Variants in NBEA observed in about 807,000 individuals in gnomAD.
The protein encoded by NBEA is lysosomal-trafficking regulator 2.
In NBEA, 44 loss-of-function variants were observed where a neutral mutation model predicts 343.4. That is an observed-to-expected ratio of 0.13 (90% CI 0.10 to 0.16). The LOEUF (loss-of-function observed/expected upper bound fraction) is 0.16, where lower values mean the gene tolerates loss of function less well. Ranked by LOEUF, NBEA falls within the 10% of genes least tolerant of loss-of-function variation. The pLI is 1.00. For missense variants in NBEA, 2,555 were observed against 3,631.3 expected (o/e 0.70, Z 7.62); for synonymous variants, 1,175 against 1,238.7 (o/e 0.95, Z 1.08).
intron 38 of NBEA, among the ~76,000 whole-genome samples, chr13:35,414,309 C>T (rs1205977113): frequency 6.6e-6 from 1 of 151,990 alleles, no homozygotes; most frequent in Non-Finnish European, 1.5e-5. Context: ...TATACATGCG[C>T]CATGTTGGTG....
chr13:35,325,218 G>A lies in NBEA; in HGVS notation c.5903+15626G>A, dbSNP rs535128897. On this transcript the variant is annotated intron_variant, in intron 36 of 58. Transcript: ENST00000379939. ...CGATTATACCAAAGTCTAGATTTCC[G>A]TATTCATAGACCAGTATAAGAAAAA... is the stretch of plus-strand genomic sequence containing the variant. 3.3e-5 allele frequency among the ~76,000 whole-genome samples: 5 copies of A among 151,974 alleles called. No individual in the cohort carries two copies. The East Asian group carries it at 5.8e-4, about 18-fold the overall frequency.
At chr13:35,481,051 G>A (rs912270515) in intron 41 of NBEA, among the ~76,000 whole-genome samples, 1 of 151,932 alleles carries the variant, frequency 6.6e-6, no homozygotes, top group Non-Finnish European at 1.5e-5. Context: ...AGAACATTTT[G>A]AGAATCGTGG....
chr13:35,319,071 T>C (rs2152839049), intron 36 of NBEA, among the ~76,000 whole-genome samples: 1 of 152,348 alleles, frequency 6.6e-6, no homozygotes, highest in East Asian at 1.9e-4. Flanking sequence ...TCATTGATTT[T>C]TTTGAAGGGT....
At chr13:35,120,170 T>C (rs1014026563) in intron 16 of NBEA, among the ~76,000 whole-genome samples, 1 of 152,218 alleles carries the variant, frequency 6.6e-6, no homozygotes, top group Non-Finnish European at 1.5e-5. Flanking sequence ...TGCAGAAATA[T>C]AATTGTATTA....
At chr13:35,195,756 GT>G in intron 30 of NBEA, 107 bp from the exon 31 acceptor site, 1 of 1,016,296 alleles carries the variant, frequency 9.8e-7, no homozygotes, top group Non-Finnish European at 1.4e-6. Flanking sequence ...GCAATTTTTT[GT>G]TTCTACAGGT....
chr13:35,418,354 T>C (rs1187734997), intron 38 of NBEA, among the ~76,000 whole-genome samples: 3 of 152,016 alleles, frequency 2.0e-5, no homozygotes, highest in South Asian at 2.1e-4. Context: ...GAATAACTTA[T>C]TATGTTGAAA....
intron 4 of NBEA, among the ~76,000 whole-genome samples, chr13:35,046,264 T>C (rs1174951071): frequency 6.6e-6 from 1 of 152,188 alleles, no homozygotes; most frequent in East Asian, 1.9e-4. Flanking sequence ...GGTCTTTCTA[T>C]GGACATATGT....
intron 40 of NBEA, among the ~76,000 whole-genome samples, chr13:35,471,885 A>T (rs1352205806): frequency 6.6e-6 from 1 of 151,112 alleles, no homozygotes; most frequent in African/African-American, 2.4e-5. Flanking sequence ...ATATTAGATT[A>T]ATCTTCCTGC....
intron 40 of NBEA, among the ~76,000 whole-genome samples, chr13:35,462,296 C>T (rs992591327): frequency 3.3e-5 from 5 of 152,084 alleles, no homozygotes; most frequent in African/African-American, 4.8e-5. Flanking sequence ...AGAAAGGAAA[C>T]CATTCTAACA....
intron 49 of NBEA, among the ~76,000 whole-genome samples, chr13:35,637,973 G>A (rs1270510726): frequency 6.6e-6 from 1 of 152,110 alleles, no homozygotes; most frequent in Non-Finnish European, 1.5e-5. Context: ...CAACATGGAT[G>A]AACCTTAAGG....
At chr13:34,985,920 C>T (rs1179041533) in intron 1 of NBEA, among the ~76,000 whole-genome samples, 1 of 149,930 alleles carries the variant, frequency 6.7e-6, no homozygotes, top group Non-Finnish European at 1.5e-5. Context: ...TTTGATTCTC[C>T]TCTCTTTTCT....
chr13:35,137,258 G>A (rs927585969), intron 17 of NBEA, among the ~76,000 whole-genome samples: 5 of 152,128 alleles, frequency 3.3e-5, no homozygotes, highest in African/African-American at 1.2e-4. Context: ...AGACCATCCT[G>A]GCTAACACGG....
chr13:35,086,523 C>T (rs893905567), intron 10 of NBEA, among the ~76,000 whole-genome samples: 1 of 151,862 alleles, frequency 6.6e-6, no homozygotes, highest in African/African-American at 2.4e-5. Context: ...TTTTAGTGCC[C>T]ACATATGAGT....
intron 14 of NBEA, among the ~76,000 whole-genome samples, chr13:35,117,762 A>G (rs2066576101): frequency 6.6e-6 from 1 of 152,038 alleles, no homozygotes; most frequent in South Asian, 2.1e-4. Context: ...ATTGACCATT[A>G]TTCGAGAAAA....
Position 35,195,772 on chromosome 13 carries a change from TTTTC to T in NBEA, c.4928-88_4928-85del, listed in dbSNP as rs2072548542. 5 of 1,215,628 alleles carry T rather than the reference TTTTC, an allele frequency of 4.1e-6. No homozygotes were observed. In the South Asian group the frequency reaches 8.0e-5, roughly 19 times the overall value. The allele number at this position is 1,215,628 out of a possible 1,614,324, so 75.3% of individuals were successfully genotyped here. On this transcript the variant is annotated intron_variant, in intron 30 of 58. Coordinates refer to ENST00000379939, the MANE Select transcript of NBEA (RefSeq NM_001385012.1). ...CAATTTTTTGTTTCTACAGGTTTTG[TTTTC>T]TTTATTTGAATATATGAAAACATTT...
At chr13:35,567,708 G>GT (rs1345842123) in intron 45 of NBEA, among the ~76,000 whole-genome samples, 1 of 152,148 alleles carries the variant, frequency 6.6e-6, no homozygotes, top group African/African-American at 2.4e-5. Flanking sequence ...GACTTGGAAT[G>GT]TATCTCTGTT....
intron 41 of NBEA, among the ~76,000 whole-genome samples, chr13:35,520,159 G>A (rs1041933244): frequency 2.6e-5 from 4 of 152,168 alleles, no homozygotes; most frequent in African/African-American, 4.8e-5. Flanking sequence ...CAGGGTTTGC[G>A]CCTGCTGGCC....
intron 1 of NBEA, among the ~76,000 whole-genome samples, chr13:35,032,603 C>T (rs967488954): frequency 6.6e-6 from 1 of 151,514 alleles, no homozygotes; most frequent in Non-Finnish European, 1.5e-5. Flanking sequence ...TGTCTCTTTA[C>T]TCCATTGATA....
chr13:35,632,548 C>T (rs2083498212), intron 49 of NBEA, among the ~76,000 whole-genome samples: 1 of 151,874 alleles, frequency 6.6e-6, no homozygotes, highest in African/African-American at 2.4e-5. Flanking sequence ...CCTCCATGTA[C>T]CTATCACCCA....
Sources: allele counts gnomAD v4.1 joint callset (sites outside exome capture counted in the v4.1 genomes callset), GRCh38; gene constraint gnomAD v4.1.1; transcripts MANE v1.5; gene names NCBI Gene and HGNC (gene_info 2026-07-23, HGNC 2026-07-21).